The following GRK4 variants were observed in gnomAD, a reference collection of about 807,000 sequenced individuals.
GRK4 encodes the protein G protein-coupled receptor kinase 4.
In GRK4, 73 loss-of-function variants were observed where a neutral mutation model predicts 77.9. The observed-to-expected ratio is 0.94, with a 90% confidence interval of 0.78 to 1.14. The LOEUF is 1.14. GRK4 is among the 50% of genes most tolerant of loss of function. GRK4 has a pLI of 0.00. For missense variants in GRK4, 729 were observed against 700.2 expected (o/e 1.04, Z -0.46); for synonymous variants, 257 against 254.4 (o/e 1.01, Z -0.10).
At chr4:2,973,415 T>C (rs1270037714) in intron 1 of GRK4, among the ~76,000 whole-genome samples, 1 of 152,168 alleles carries the variant, frequency 6.6e-6, no homozygotes, top group Non-Finnish European at 1.5e-5. Context: ...GCCTGCAGGC[T>C]GGGCCTCTCC....
At chr4:3,027,616 G>A (rs928069821) in intron 10 of GRK4, among the ~76,000 whole-genome samples, 3 of 152,130 alleles carry the variant, frequency 2.0e-5, no homozygotes, top group African/African-American at 7.2e-5. Context: ...GAAGTTGTAT[G>A]ACATAAAATA....
chr4:2,974,700 G>T (rs1720575522), intron 1 of GRK4, among the ~76,000 whole-genome samples: 1 of 152,182 alleles, frequency 6.6e-6, no homozygotes, highest in African/African-American at 2.4e-5. Context: ...GATAGTTTTG[G>T]GGAAACAGTT....
At chr4:3,003,942 C>G (rs567731247) in intron 4 of GRK4, among the ~76,000 whole-genome samples, 1 of 152,170 alleles carries the variant, frequency 6.6e-6, no homozygotes, top group Non-Finnish European at 1.5e-5. Flanking sequence ...TGGTCTCAAA[C>G]TCCTGACTTC....
At chr4:3,037,343 C>A in intron 13 of GRK4, 31 bp from the exon 14 acceptor site, 2 of 1,557,708 alleles carry the variant, frequency 1.3e-6, no homozygotes, top group South Asian at 2.3e-5. Flanking sequence ...CTGTAGTCAT[C>A]TCAGAGGCTG....
intron 4 of GRK4, among the ~76,000 whole-genome samples, chr4:2,992,983 C>A (rs1726723838): frequency 6.6e-6 from 1 of 152,100 alleles, no homozygotes; most frequent in South Asian, 2.1e-4. Context: ...GACCCTGTCT[C>A]AAAACTACCT....
intron 1 of GRK4, among the ~76,000 whole-genome samples, chr4:2,978,976 T>C (rs563014012): frequency 5.1e-4 from 78 of 152,204 alleles, no homozygotes; most frequent in Non-Finnish European, 9.3e-4. Flanking sequence ...ACGCCTGTGA[T>C]CCCAGCACTT....
chr4:2,985,271 G>A (rs1164171697), intron 2 of GRK4, among the ~76,000 whole-genome samples: 4 of 151,912 alleles, frequency 2.6e-5, no homozygotes, highest in Non-Finnish European at 2.9e-5. Context: ...TGCGGTGACG[G>A]GTGTGTGTAA....
chr4:3,030,382 T>C lies in GRK4; in HGVS notation c.1269+973T>C, dbSNP rs144014377. ...GACACTCAATCAGTGAGGGAAACTC[T>C]CTTTGTTACTTACTTTAAACCAGTA... On this transcript the variant is annotated intron_variant, in intron 12 of 15. Coordinates refer to ENST00000398052, the MANE Select transcript of GRK4 (RefSeq NM_182982.3). Among the ~76,000 whole-genome samples the C allele has an allele frequency of 1.8e-3, 271 of 152,298 alleles. 2 individuals are homozygous for C. The highest frequency in any genetic ancestry group is 3.6e-3 in the Admixed American group (55 of 15,290).
chr4:2,972,038 A>ATAAACGT (rs1242409093), intron 1 of GRK4, among the ~76,000 whole-genome samples: 1 of 152,222 alleles, frequency 6.6e-6, no homozygotes, highest in East Asian at 1.9e-4. Flanking sequence ...GAACTCTAAC[A>ATAAACGT]TAAACGTTTT....
chr4:3,027,672 A>G (rs757537166), intron 10 of GRK4, among the ~76,000 whole-genome samples: 4 of 152,236 alleles, frequency 2.6e-5, no homozygotes, highest in Non-Finnish European at 5.9e-5. Flanking sequence ...CTATGATTAA[A>G]GGGCTTCCTG....
chr4:3,001,089 A>ATATATATATATATATATATATGTGTGTG, intron 4 of GRK4, among the ~76,000 whole-genome samples: 1 of 82,428 alleles, frequency 1.2e-5, no homozygotes, highest in African/African-American at 5.8e-5. Context: ...ATATATATAT[A>ATATATATATATATATATATATGTGTGTG]TGTGTGTGTG....
At chr4:2,968,581 A>G (rs2109377863) in intron 1 of GRK4, among the ~76,000 whole-genome samples, 1 of 152,304 alleles carries the variant, frequency 6.6e-6, no homozygotes, top group South Asian at 2.1e-4. Context: ...TGTTCCAGGT[A>G]CTGTTCCTAT....
Position 2,963,888 on chromosome 4 carries a change from C to A in GRK4, c.-183C>A. The A allele has an allele frequency of 1.6e-6, 1 of 622,414 alleles. No individual in the cohort carries two copies. The highest frequency in any genetic ancestry group is 2.9e-6 in the Non-Finnish European group (1 of 350,572). The allele number at this position is 622,414 out of a possible 1,614,324, so 38.6% of individuals were successfully genotyped here. A position where few individuals can be genotyped will look rare whatever the true frequency, so the allele number is the denominator to read the frequency against. On this transcript the variant is annotated 5_prime_UTR_variant, in exon 1 of 16. Transcript: ENST00000398052. ...CCCTGCTGGTGAGGGCCTGCGGAGG[C>A]GGCGGCGGCGGCGCCCTTGGTGGCA... is the stretch of plus-strand genomic sequence containing the variant.
chr4:2,987,395 A>C (rs1005535036), intron 2 of GRK4, among the ~76,000 whole-genome samples: 1 of 152,244 alleles, frequency 6.6e-6, no homozygotes, highest in Non-Finnish European at 1.5e-5. Flanking sequence ...TGCTGCTATG[A>C]ATATTCATGT....
intron 4 of GRK4, among the ~76,000 whole-genome samples, chr4:2,994,805 G>C (rs1727302405): frequency 6.6e-6 from 1 of 152,028 alleles, no homozygotes; most frequent in Non-Finnish European, 1.5e-5. Flanking sequence ...TTTTAAGTTC[G>C]GGGGTACATG....
In GRK4 at chr4:2,968,070, C is replaced by T. The variant is rs147816124; in HGVS notation, c.52+3948C>T. Among the ~76,000 whole-genome samples, 1,073 of 151,370 alleles carry T rather than the reference C, an allele frequency of 7.1e-3. 16 individuals carry two copies. Among genetic ancestry groups the T allele is most frequent in the East Asian group, 0.044 (226 of 5,164 alleles). ...CCTCCCAAAGTACTGGGATTACAGG[C>T]GTGAGCCACTGTGCCCGGCCTGTTT... On this transcript the variant is annotated intron_variant, in intron 1 of 15. Coordinates refer to ENST00000398052, the MANE Select transcript of GRK4 (RefSeq NM_182982.3).
chr4:2,967,867 T>C (rs1718252730), intron 1 of GRK4, among the ~76,000 whole-genome samples: 1 of 152,122 alleles, frequency 6.6e-6, no homozygotes, highest in African/African-American at 2.4e-5. Context: ...CTCGGCTCAC[T>C]GCAACCTCTG....
chr4:3,010,329 C>T (rs1338186054), intron 7 of GRK4, among the ~76,000 whole-genome samples: 12 of 152,110 alleles, frequency 7.9e-5, no homozygotes, highest in African/African-American at 2.2e-4. Context: ...TGAGTTCAAG[C>T]GATTCTCCTG....
intron 15 of GRK4, 52 bp from the exon 16 acceptor site, chr4:3,040,520 A>G (rs1742110899): frequency 1.3e-6 from 2 of 1,520,528 alleles, no homozygotes; most frequent in Admixed American, 3.9e-5. Context: ...ACTTAAGGAA[A>G]GTGAAACCTT....
Sources: allele counts gnomAD v4.1 joint callset (sites outside exome capture counted in the v4.1 genomes callset), GRCh38; gene constraint gnomAD v4.1.1; transcripts MANE v1.5; gene names NCBI Gene and HGNC (gene_info 2026-07-23, HGNC 2026-07-21).